Variants in GPR158 observed in about 807,000 individuals in gnomAD.
The protein encoded by GPR158 is metabotropic glycine receptor.
A neutral mutation model predicts 78.2 loss-of-function variants in GPR158; 30 were observed. The observed-to-expected ratio is 0.38, with a 90% CI of 0.29 to 0.52. The LOEUF is 0.52. Among genes scored for constraint, GPR158 ranks in the 20% least tolerant of loss-of-function variants. GPR158 has a pLI of 0.83. For synonymous variants in GPR158, 581 were observed against 591.1 expected, an observed-to-expected ratio of 0.98 and a Z score of 0.25; for missense variants, 1,463 against 1,523.5, an observed-to-expected ratio of 0.96 and a Z score of 0.66.
At chr10:25,368,703 T>A (rs1373035255) in intron 2 of GPR158, among the ~76,000 whole-genome samples, 2 of 151,912 alleles carry the variant, frequency 1.3e-5, no homozygotes, top group Non-Finnish European at 2.9e-5. Flanking sequence ...AAAACAATTC[T>A]GTGAAGAAAG....
In GPR158 at chr10:25,414,142, G is replaced by T. The variant is rs535385212; in HGVS notation, c.1335+1669G>T. On this transcript the variant is annotated intron_variant, in intron 4 of 10. Transcript: ENST00000376351. The stretch of plus-strand genomic sequence containing the variant: ...TAATTGATTTTGATAATTAATGATT[G>T]CTCTGCTAAATGAGTTGGTAATACA... 1.3e-3 allele frequency among the ~76,000 whole-genome samples: 194 copies of T among 152,232 alleles called. 1 individual carries two copies. Among genetic ancestry groups the T allele is most frequent in the Non-Finnish European group, 2.3e-3 (156 of 67,990 alleles).
chr10:25,200,624 T>C (rs901622669), intron 1 of GPR158, among the ~76,000 whole-genome samples: 8 of 152,198 alleles, frequency 5.3e-5, no homozygotes, highest in African/African-American at 1.9e-4. Context: ...CCAGGGTTTT[T>C]ATAGTCTTAG....
intron 5 of GPR158, among the ~76,000 whole-genome samples, chr10:25,549,983 G>A (rs956626650): frequency 1.3e-5 from 2 of 152,184 alleles, no homozygotes; most frequent in Non-Finnish European, 2.9e-5. Flanking sequence ...AAGATTGAGA[G>A]TCTGTGCTCT....
chr10:25,476,976 C>G (rs1190808739), intron 5 of GPR158, among the ~76,000 whole-genome samples: 1 of 152,096 alleles, frequency 6.6e-6, no homozygotes, highest in Non-Finnish European at 1.5e-5. Context: ...ATTCAATCAT[C>G]TTAACTATAA....
chr10:25,455,604 A>G (rs534284648), intron 4 of GPR158, among the ~76,000 whole-genome samples: 1 of 152,322 alleles, frequency 6.6e-6, no homozygotes, highest in East Asian at 1.9e-4. Flanking sequence ...CCATCAGTTA[A>G]TGTGACCTTT....
chr10:25,474,002 G>T (rs778191577), intron 5 of GPR158, among the ~76,000 whole-genome samples: 118 of 152,114 alleles, frequency 7.8e-4, no homozygotes, highest in Non-Finnish European at 1.0e-3. Context: ...GATTATCCTG[G>T]ATTATCTGGG....
intron 3 of GPR158, among the ~76,000 whole-genome samples, chr10:25,401,346 GAAGA>G (rs1834443892): frequency 6.6e-6 from 1 of 152,118 alleles, no homozygotes; most frequent in Non-Finnish European, 1.5e-5. Flanking sequence ...TCTAGTTGTA[GAAGA>G]AAGATTCTCC....
intron 1 of GPR158, among the ~76,000 whole-genome samples, chr10:25,206,356 T>C (rs997421092): frequency 3.9e-5 from 6 of 152,230 alleles, no homozygotes; most frequent in African/African-American, 1.2e-4. Flanking sequence ...ACCCATTTAA[T>C]TGGTAGAAGA....
intron 1 of GPR158, among the ~76,000 whole-genome samples, chr10:25,219,458 T>A (rs2130680734): frequency 6.6e-6 from 1 of 152,314 alleles, no homozygotes; most frequent in African/African-American, 2.4e-5. Flanking sequence ...CCCACAACAG[T>A]AATATTTTGC....
intron 1 of GPR158, among the ~76,000 whole-genome samples, chr10:25,218,310 C>T (rs1853248315): frequency 6.6e-6 from 1 of 152,140 alleles, no homozygotes; most frequent in Non-Finnish European, 1.5e-5. Context: ...ACGGGCCGGG[C>T]TTGAGGTCTG....
chr10:25,322,110 C>T (rs970882132), intron 2 of GPR158, among the ~76,000 whole-genome samples: 16 of 152,186 alleles, frequency 1.1e-4, no homozygotes, highest in Admixed American at 8.5e-4. Context: ...CGGCCAGGCG[C>T]GGTGGCTCAC....
At chr10:25,525,877 T>C (rs1281461824) in intron 5 of GPR158, among the ~76,000 whole-genome samples, 1 of 151,904 alleles carries the variant, frequency 6.6e-6, no homozygotes, top group East Asian at 1.9e-4. Context: ...GAGGCTGAAG[T>C]GGGTGGATCA....
chr10:25,370,988 A>C (rs1002510663), intron 2 of GPR158, among the ~76,000 whole-genome samples: 1 of 147,582 alleles, frequency 6.8e-6, no homozygotes. Flanking sequence ...CTAGGATTGC[A>C]ACCCCTGCCT....
At chr10:25,426,504 C>T (rs1015866928) in intron 4 of GPR158, among the ~76,000 whole-genome samples, 4 of 151,860 alleles carry the variant, frequency 2.6e-5, no homozygotes, top group African/African-American at 4.8e-5. Context: ...ACTTAGAGAC[C>T]ATTGTATGGT....
chr10:25,351,492 T>C (rs1855470745), intron 2 of GPR158, among the ~76,000 whole-genome samples: 3 of 151,754 alleles, frequency 2.0e-5, no homozygotes, highest in Non-Finnish European at 4.4e-5. Flanking sequence ...CCAGGCAACG[T>C]AGGATAAAAT....
At chr10:25,595,688 A>G (rs1837395626) in intron 9 of GPR158, among the ~76,000 whole-genome samples, 1 of 152,236 alleles carries the variant, frequency 6.6e-6, no homozygotes, top group African/African-American at 2.4e-5. Flanking sequence ...GCAAATCTAT[A>G]GAAACATAAA....
chr10:25,513,048 A>T (rs1253339938), intron 5 of GPR158, among the ~76,000 whole-genome samples: 1 of 152,090 alleles, frequency 6.6e-6, no homozygotes, highest in Non-Finnish European at 1.5e-5. Flanking sequence ...GGCTTCATAG[A>T]ATGATTCAGG....
At chr10:25,503,994 G>A (rs907308376) in intron 5 of GPR158, among the ~76,000 whole-genome samples, 13 of 151,470 alleles carry the variant, frequency 8.6e-5, no homozygotes, top group Admixed American at 2.0e-4. Context: ...AGGTTCAAGC[G>A]ATTCTCGTGC....
intron 2 of GPR158, among the ~76,000 whole-genome samples, chr10:25,253,268 G>A (rs139336466): frequency 1.5e-4 from 23 of 151,690 alleles, no homozygotes; most frequent in African/African-American, 3.4e-4. Context: ...AGAAATCACC[G>A]GTCTTCTGCG....
Sources: gnomAD v4.1 joint callset for allele counts (sites outside exome capture counted in the v4.1 genomes callset) on GRCh38, gnomAD v4.1.1 for gene constraint, MANE v1.5 for transcripts, NCBI Gene and HGNC (gene_info 2026-07-23, HGNC 2026-07-21) for gene names.